The following CDH23 variants were observed in gnomAD, a reference collection of about 807,000 sequenced individuals.
CDH23 encodes the protein cadherin related 23.
CDH23 carries 189 observed loss-of-function variants against 317.1 expected under a neutral mutation model. The ratio of observed to expected loss-of-function variants is 0.60; its 90% CI spans 0.53 to 0.67. CDH23 has a LOEUF of 0.67. CDH23 is among the 30% of genes least tolerant of loss of function. The pLI, the probability that CDH23 is intolerant of heterozygous loss-of-function variation, is 0.00. For synonymous variants in CDH23, 1,839 were observed against 1,876.8 expected, an observed-to-expected ratio of 0.98 and a Z score of 0.52; for missense variants, 4,401 against 4,592.4, an observed-to-expected ratio of 0.96 and a Z score of 1.20.
chr10:71,678,963 AAGG>A (rs1864491292), intron 16 of CDH23, among the ~76,000 whole-genome samples: 2 of 152,180 alleles, frequency 1.3e-5, no homozygotes, highest in African/African-American at 4.8e-5. Context: ...CACTGGGTGT[AAGG>A]GGACCAATGG....
chr10:71,799,816 C>T (rs1181735225), intron 52 of CDH23, among the ~76,000 whole-genome samples, 187 bp downstream of exon 52: 3 of 152,208 alleles, frequency 2.0e-5, no homozygotes, highest in Non-Finnish European at 4.4e-5. Context: ...TAGACTGTGG[C>T]CTTTCTGTCT....
In CDH23 at chr10:71,646,221, T is replaced by G. The variant is rs557243019; in HGVS notation, c.1291-238T>G. ...TTTTACCAGACTCCCATCAGGAGCC[T>G]CTGCAACCCATCTCCTGCCAGATCA... On this transcript the variant is annotated intron_variant, in intron 13 of 69. Coordinates refer to ENST00000224721, the MANE Select transcript of CDH23 (RefSeq NM_022124.6). Among the ~76,000 whole-genome samples the G allele has an allele frequency of 2.0e-5, 3 of 152,228 alleles. No homozygotes were observed. The South Asian group carries it at 6.2e-4, about 32-fold the overall frequency.
intron 9 of CDH23, among the ~76,000 whole-genome samples, chr10:71,593,880 G>A (rs1287348233): frequency 1.3e-5 from 2 of 152,164 alleles, no homozygotes; most frequent in South Asian, 2.1e-4. Context: ...CCAAAGCTCT[G>A]TAAGGCCAAA....
In CDH23 at chr10:71,791,285, C is replaced by G. The variant is rs1271935480; in HGVS notation, c.6203C>G (p.Thr2068Ser). 6.2e-7 allele frequency: 1 copy of G among 1,613,962 alleles called. No homozygotes were observed. The highest frequency in any genetic ancestry group is 2.2e-5 in the East Asian group (1 of 44,872). Residue 2068 changes from threonine (T) to serine (S), a missense_variant, in exon 47 of 70, where the codon ACC (threonine) becomes AGC (serine). This residue lies in a region of CDH23 where 3,068 missense variants were observed against 3,203.3 expected (regional missense o/e 0.96). Transcript: ENST00000224721. ...CTGGATGACAATGACAACCGGCCCACCTTTAGCCCTGCCACCCTCACTGTC... is the reference window on the plus strand; with the variant it reads ...CTGGATGACAATGACAACCGGCCCAGCTTTAGCCCTGCCACCCTCACTGTC... Reference protein sequence around the residue: ...TILDDNDNRPTFSPATLTVHL... With the variant: ...TILDDNDNRPSFSPATLTVHL...
chr10:71,655,506 T>C (rs563694377), intron 14 of CDH23, among the ~76,000 whole-genome samples: 1 of 152,286 alleles, frequency 6.6e-6, no homozygotes, highest in African/African-American at 2.4e-5. Context: ...AACTGGCATG[T>C]GTCACCTCTC....
chr10:71,530,446 G>A (rs898001948), intron 6 of CDH23, among the ~76,000 whole-genome samples: 1 of 152,204 alleles, frequency 6.6e-6, no homozygotes, highest in Non-Finnish European at 1.5e-5. Context: ...TCCACCCGCC[G>A]CCTGGCCTGA....
At chr10:71,654,731 T>C (rs10999934) in intron 14 of CDH23, among the ~76,000 whole-genome samples, 1 of 152,116 alleles carries the variant, frequency 6.6e-6, no homozygotes, top group South Asian at 2.1e-4. Context: ...AGCACCCACA[T>C]GTAGCCTCCC....
intron 1 of CDH23, among the ~76,000 whole-genome samples, chr10:71,436,947 T>C (rs1317861924): frequency 6.6e-6 from 1 of 152,370 alleles, no homozygotes; most frequent in Non-Finnish European, 1.5e-5. Flanking sequence ...CTAGTGCTGC[T>C]GGCTAGCTTC....
chr10:71,784,838 CACA>C, intron 42 of CDH23, 50 bp from the exon 43 acceptor site: 3 of 1,483,250 alleles, frequency 2.0e-6, no homozygotes, highest in Non-Finnish European at 1.9e-6. Context: ...GGTTGCCATG[CACA>C]ACATCTGTCG....
intron 64 of CDH23, 34 bp downstream of exon 64, chr10:71,811,624 G>A (rs773213068): frequency 5.9e-5 from 95 of 1,613,632 alleles, no homozygotes; most frequent in Non-Finnish European, 7.3e-5. Flanking sequence ...TCAGGGGGCC[G>A]ACCACCTGCT....
At position 71,607,917 on chromosome 10, in the gene CDH23, GA is replaced by G. The variant is rs575759213; in HGVS notation, c.833-7583del. On this transcript the variant is annotated intron_variant, in intron 9 of 69. Coordinates refer to ENST00000224721, the MANE Select transcript of CDH23 (RefSeq NM_022124.6). ...AACTCTGTCTCAAAACAAAAGGAAAGAAAATAAAAGAAAACAGGCATGGCAG... is the reference window on the plus strand; with the variant it reads ...AACTCTGTCTCAAAACAAAAGGAAAGAAATAAAAGAAAACAGGCATGGCAG... Among the ~76,000 whole-genome samples the G allele has an allele frequency of 8.5e-5, 13 of 152,258 alleles. No homozygotes were observed. The South Asian group carries it at 2.5e-3, about 29-fold the overall frequency.
At chr10:71,803,883 G>T (rs1220104996) in intron 55 of CDH23, among the ~76,000 whole-genome samples, 2 of 150,030 alleles carry the variant, frequency 1.3e-5, no homozygotes, top group Non-Finnish European at 3.0e-5. Flanking sequence ...TACTCGGGAG[G>T]CTGACGCAGG....
At chr10:71,485,861 C>T (rs1041459252) in intron 3 of CDH23, among the ~76,000 whole-genome samples, 3 of 152,214 alleles carry the variant, frequency 2.0e-5, no homozygotes, top group East Asian at 1.9e-4. Context: ...GTTGTCCAGG[C>T]GTCTCAGTCT....
chr10:71,692,082 G>GAGC (rs770302292), intron 20 of CDH23, among the ~76,000 whole-genome samples: 1 of 152,164 alleles, frequency 6.6e-6, no homozygotes, highest in Non-Finnish European at 1.5e-5. Context: ...CCAGGGCTCT[G>GAGC]AGCAGCAGCA....
intron 1 of CDH23, among the ~76,000 whole-genome samples, chr10:71,416,730 T>C (rs966617109): frequency 8.6e-5 from 13 of 151,822 alleles, no homozygotes; most frequent in Non-Finnish European, 1.9e-4. Context: ...TGCAGTGGTG[T>C]GATCATAGGT....
At chr10:71,575,390 G>A (rs771893758) in intron 8 of CDH23, among the ~76,000 whole-genome samples, 17 of 152,206 alleles carry the variant, frequency 1.1e-4, no homozygotes, top group Non-Finnish European at 2.1e-4. Context: ...GGTGGGGATT[G>A]TGATTTTTAC....
In CDH23 at chr10:71,736,162, G is replaced by GC. The variant is rs1839559076; in HGVS notation, c.4209+1508dup. ...CTTCGGAGCACACACTTCTGCCTGT[G>GC]CCCCTGTATTTCCACAGTGCTTTGC... On this transcript the variant is annotated intron_variant, in intron 34 of 69. Coordinates refer to ENST00000224721, the MANE Select transcript of CDH23 (RefSeq NM_022124.6). Among the ~76,000 whole-genome samples the GC allele has an allele frequency of 5.3e-5, 8 of 152,340 alleles. No homozygotes were observed. The South Asian group carries it at 1.7e-3, about 32-fold the overall frequency.
intron 6 of CDH23, among the ~76,000 whole-genome samples, chr10:71,530,868 T>G (rs1407744738): frequency 6.6e-6 from 1 of 152,162 alleles, no homozygotes. Flanking sequence ...CATTCACTCT[T>G]CCCATCATGT....
intron 2 of CDH23, among the ~76,000 whole-genome samples, chr10:71,442,493 C>A (rs527519878): frequency 1.3e-5 from 2 of 152,188 alleles, no homozygotes; most frequent in African/African-American, 4.8e-5. Flanking sequence ...TCACCCCAGC[C>A]GATCTCTACC....
Sources: gnomAD v4.1 joint callset for allele counts (sites outside exome capture counted in the v4.1 genomes callset) on GRCh38, gnomAD v4.1.1 for gene constraint, gnomAD v4.1.1 regional missense constraint, MANE v1.5 for transcripts, NCBI Gene and HGNC (gene_info 2026-07-23, HGNC 2026-07-21) for gene names.